The following CNTN5 variants were observed in gnomAD, a reference collection of about 807,000 sequenced individuals.
The protein encoded by CNTN5 is contactin-5.
Under a neutral mutation model 129.1 loss-of-function variants are expected in CNTN5, and 77 were observed. That is an observed-to-expected ratio of 0.60 (90% CI 0.50 to 0.72). The LOEUF is 0.72. CNTN5 is among the 30% of genes least tolerant of loss of function. The pLI, the probability that CNTN5 is intolerant of heterozygous loss-of-function variation, is 0.00. For missense variants in CNTN5, 1,478 were observed against 1,328.8 expected (o/e 1.11, Z -1.75); for synonymous variants, 509 against 465.6 (o/e 1.09, Z -1.20).
intron 13 of CNTN5, among the ~76,000 whole-genome samples, chr11:100,171,932 A>G (rs1591352526): frequency 6.6e-6 from 1 of 152,038 alleles, no homozygotes; most frequent in African/African-American, 2.4e-5. Flanking sequence ...TTTTCAAAGT[A>G]TGGTTCAAAG....
At chr11:99,872,122 T>A (rs914464322) in intron 6 of CNTN5, among the ~76,000 whole-genome samples, 1 of 152,040 alleles carries the variant, frequency 6.6e-6, no homozygotes, top group African/African-American at 2.4e-5. Context: ...ATAGTAGCAA[T>A]ACTTTTGAAA....
chr11:100,140,288 C>T lies in CNTN5; in HGVS notation c.1581-50838C>T, dbSNP rs545777766. ...CCAGCTGTGTTTAACTGTATGGGTG[C>T]AGGCATAGAGGAGGTGGAGAGTTCA... On this transcript the variant is annotated intron_variant, in intron 13 of 24. Coordinates refer to ENST00000524871, the MANE Select transcript of CNTN5 (RefSeq NM_014361.4). Among the ~76,000 whole-genome samples the T allele has an allele frequency of 2.0e-5, 3 of 152,216 alleles. No homozygotes were observed. The East Asian group carries it at 5.8e-4, about 29-fold the overall frequency.
chr11:99,639,652 C>A lies in CNTN5; in HGVS notation c.55+83383C>A, dbSNP rs563559380. ...CAATCTCGGCTCACTGAGGCCTCTG[C>A]CTCCTGGGTTCAAGCGATTCCCCTG... is the stretch of plus-strand genomic sequence containing the variant. On this transcript the variant is annotated intron_variant, in intron 3 of 24. Coordinates refer to ENST00000524871, the MANE Select transcript of CNTN5 (RefSeq NM_014361.4). Among the ~76,000 whole-genome samples, 9 of 141,780 alleles carry A rather than the reference C, an allele frequency of 6.3e-5. No individual in the cohort carries two copies. The South Asian group carries it at 1.4e-3, about 21-fold the overall frequency. The allele number at this position is 141,780 out of a possible 152,430, so 93.0% of individuals were successfully genotyped here.
chr11:99,437,737 C>T lies in CNTN5; in HGVS notation c.-71+112253C>T, dbSNP rs1217053448. Among the ~76,000 whole-genome samples the T allele has an allele frequency of 5.9e-5, 9 of 152,214 alleles. No homozygotes were observed. In the East Asian group the frequency reaches 1.4e-3, roughly 23 times the overall value. On this transcript the variant is annotated intron_variant, in intron 2 of 24. Transcript: ENST00000524871. Reference sequence around the variant, plus strand: ...ACTCAGGAGGCTGAGACAGGAGAATCGCCTGAACCTGAGAGGCAGAGGTTG... The same window carrying T: ...ACTCAGGAGGCTGAGACAGGAGAATTGCCTGAACCTGAGAGGCAGAGGTTG...
At chr11:99,804,761 G>C (rs1946218697) in intron 3 of CNTN5, among the ~76,000 whole-genome samples, 1 of 150,836 alleles carries the variant, frequency 6.6e-6, no homozygotes, top group Non-Finnish European at 1.5e-5. Flanking sequence ...TATGTTTATA[G>C]ATAGAAGTAC....
chr11:99,757,338 A>G, intron 3 of CNTN5, among the ~76,000 whole-genome samples: 1 of 151,754 alleles, frequency 6.6e-6, no homozygotes, highest in South Asian at 2.1e-4. Flanking sequence ...ACTTGATTCT[A>G]TTTATAAAGA....
chr11:99,460,536 T>G (rs981654587), intron 2 of CNTN5, among the ~76,000 whole-genome samples: 1 of 152,116 alleles, frequency 6.6e-6, no homozygotes, highest in East Asian at 1.9e-4. Context: ...AAGTTTAAAC[T>G]TTAAATCAGG....
intron 1 of CNTN5, among the ~76,000 whole-genome samples, chr11:99,165,772 A>C (rs902368251): frequency 1.3e-5 from 2 of 152,192 alleles, no homozygotes; most frequent in Non-Finnish European, 2.9e-5. Flanking sequence ...TCGCATCTAG[A>C]AATGATAATC....
chr11:99,309,812 G>GT (rs200492853), intron 1 of CNTN5, among the ~76,000 whole-genome samples: 34 of 152,046 alleles, frequency 2.2e-4, no homozygotes, highest in South Asian at 6.2e-4. Flanking sequence ...GTTTTATTAA[G>GT]TTTTTTTTAA....
intron 18 of CNTN5, among the ~76,000 whole-genome samples, chr11:100,295,907 GTGTATGTGTGTA>G (rs1159052851): frequency 6.6e-6 from 1 of 151,384 alleles, no homozygotes; most frequent in African/African-American, 2.4e-5. Flanking sequence ...AATGTGAGGA[GTGTATGTGTGTA>G]TGTATGTGTG....
chr11:100,092,137 T>G (rs973519540), intron 13 of CNTN5, among the ~76,000 whole-genome samples: 1 of 152,154 alleles, frequency 6.6e-6, no homozygotes, highest in African/African-American at 2.4e-5. Context: ...CAGAAGGTTG[T>G]AAGCAGAAGT....
chr11:99,580,459 C>T (rs1010376403), intron 3 of CNTN5, among the ~76,000 whole-genome samples: 2 of 152,116 alleles, frequency 1.3e-5, no homozygotes, highest in African/African-American at 4.8e-5. Flanking sequence ...CCATCTGGTC[C>T]TGGACTTTTT....
chr11:99,979,035 G>A (rs1184062706), intron 8 of CNTN5, among the ~76,000 whole-genome samples: 1 of 152,162 alleles, frequency 6.6e-6, no homozygotes, highest in Non-Finnish European at 1.5e-5. Flanking sequence ...CTTGATTCAC[G>A]TAACACTGTT....
chr11:99,612,537 C>G (rs1454493942), intron 3 of CNTN5, among the ~76,000 whole-genome samples: 1 of 152,104 alleles, frequency 6.6e-6, no homozygotes. Flanking sequence ...TAATTAAACC[C>G]ATATTGTCTT....
intron 2 of CNTN5, among the ~76,000 whole-genome samples, chr11:99,506,413 T>C (rs898502616): frequency 6.6e-6 from 1 of 152,230 alleles, no homozygotes; most frequent in African/African-American, 2.4e-5. Context: ...ATATCTTTTC[T>C]ATTTTTTTAA....
chr11:99,938,167 A>C (rs1950356677), intron 7 of CNTN5, among the ~76,000 whole-genome samples: 1 of 152,088 alleles, frequency 6.6e-6, no homozygotes, highest in Non-Finnish European at 1.5e-5. Context: ...ATAGCTTCCA[A>C]ATCTGTAGGT....
At chr11:99,927,864 AT>A (rs1950099054) in intron 7 of CNTN5, among the ~76,000 whole-genome samples, 1 of 152,116 alleles carries the variant, frequency 6.6e-6, no homozygotes, top group African/African-American at 2.4e-5. Context: ...ATCTTAACTA[AT>A]TCTGGCATTA....
chr11:99,495,820 G>A (rs1424932816), intron 2 of CNTN5, among the ~76,000 whole-genome samples: 1 of 152,168 alleles, frequency 6.6e-6, no homozygotes, highest in Non-Finnish European at 1.5e-5. Flanking sequence ...ATCTAAGGTA[G>A]TAAGAAGTGC....
chr11:99,749,663 C>G (rs1263770138), intron 3 of CNTN5, among the ~76,000 whole-genome samples: 1 of 152,170 alleles, frequency 6.6e-6, no homozygotes, highest in Non-Finnish European at 1.5e-5. Flanking sequence ...CTATCTGAAT[C>G]TGGACATTAC....
Sources: allele counts gnomAD v4.1 joint callset (sites outside exome capture counted in the v4.1 genomes callset), GRCh38; gene constraint gnomAD v4.1.1; transcripts MANE v1.5; gene names NCBI Gene and HGNC (gene_info 2026-07-23, HGNC 2026-07-21).